Variants in CBFA2T2 observed in about 807,000 individuals in gnomAD.
CBFA2T2 encodes protein CBFA2T2.
In CBFA2T2, 11 loss-of-function variants were observed where a neutral mutation model predicts 62.2. The ratio of observed to expected loss-of-function variants is 0.18; its 90% CI spans 0.11 to 0.29. The LOEUF is 0.29. Among genes scored for constraint, CBFA2T2 ranks in the 10% least tolerant of loss-of-function variants. CBFA2T2 has a pLI of 1.00. For missense variants in CBFA2T2, 592 were observed against 774.1 expected (o/e 0.76, Z 2.79); for synonymous variants, 295 against 287.5 (o/e 1.03, Z -0.27).
chr20:33,505,330 C>T (rs555852207), intron 1 of CBFA2T2, among the ~76,000 whole-genome samples: 1 of 152,188 alleles, frequency 6.6e-6, no homozygotes, highest in Non-Finnish European at 1.5e-5. Context: ...ATCTTTTCAC[C>T]TGTCTACCTG....
intron 1 of CBFA2T2, among the ~76,000 whole-genome samples, chr20:33,541,047 G>A (rs1568808656): frequency 6.6e-6 from 1 of 152,184 alleles, no homozygotes; most frequent in Admixed American, 6.5e-5. Flanking sequence ...ACTGTGGGAC[G>A]CTAGAAAGTA....
chr20:33,498,817 C>T (rs1191621389), intron 1 of CBFA2T2, among the ~76,000 whole-genome samples: 4 of 151,728 alleles, frequency 2.6e-5, no homozygotes, highest in Admixed American at 1.3e-4. Context: ...CCGAGGCGGG[C>T]GGATCACCTG....
At chr20:33,625,709 A>C (rs1339220260) in intron 6 of CBFA2T2, among the ~76,000 whole-genome samples, 1 of 152,240 alleles carries the variant, frequency 6.6e-6, no homozygotes, top group Admixed American at 6.5e-5. Flanking sequence ...GCACTTTGGA[A>C]GGCCAAGGCA....
At position 33,645,388 on chromosome 20, in the gene CBFA2T2, C is replaced by T. The variant is rs1601131407; in HGVS notation, c.*742C>T. The T allele has an allele frequency of 6.6e-6, 1 of 152,284 alleles. No homozygotes were observed. Among genetic ancestry groups the T allele is most frequent in the South Asian group, 2.1e-4 (1 of 4,822 alleles). The allele number at this position is 152,284 out of a possible 1,614,324, so 9.4% of individuals were successfully genotyped here. A position where few individuals can be genotyped will look rare whatever the true frequency, so the allele number is the denominator to read the frequency against. On this transcript the variant is annotated 3_prime_UTR_variant, in exon 11 of 11. Coordinates refer to ENST00000342704, the MANE Select transcript of CBFA2T2 (RefSeq NM_001032999.3). The stretch of plus-strand genomic sequence containing the variant: ...ATTTTGCTTGTGCAGAAAATAGTTT[C>T]CAGCACATGGATTGATCTGAGAGAG...
intron 1 of CBFA2T2, among the ~76,000 whole-genome samples, chr20:33,495,563 G>C (rs1277593510): frequency 6.6e-6 from 1 of 151,434 alleles, no homozygotes; most frequent in Non-Finnish European, 1.5e-5. Flanking sequence ...GTGGTGGCGG[G>C]TTCCTGTAGT....
At chr20:33,597,911 A>C (rs2014958851) in intron 1 of CBFA2T2, among the ~76,000 whole-genome samples, 1 of 152,210 alleles carries the variant, frequency 6.6e-6, no homozygotes, top group Non-Finnish European at 1.5e-5. Context: ...TGAGAAATAA[A>C]GGGACAGAGT....
chr20:33,633,466 T>C, intron 8 of CBFA2T2, among the ~76,000 whole-genome samples: 1 of 152,124 alleles, frequency 6.6e-6, no homozygotes, highest in East Asian at 1.9e-4. Context: ...GGTTTGGTGA[T>C]TTGGAGAGAA....
Position 33,545,456 on chromosome 20 carries a change from T to TCTTTCTTTCTTTCTTTCTTC in CBFA2T2, c.34+55172_34+55173insTTCCTTTCTTTCTTTCTTTC, listed in dbSNP as rs2012532192. Among the ~76,000 whole-genome samples the TCTTTCTTTCTTTCTTTCTTC allele has an allele frequency of 7.9e-5, 12 of 152,076 alleles. No individual in the cohort carries two copies. In the South Asian group the frequency reaches 2.5e-3, roughly 32 times the overall value. On this transcript the variant is annotated intron_variant, in intron 1 of 10. Coordinates refer to ENST00000342704, the MANE Select transcript of CBFA2T2 (RefSeq NM_001032999.3). ...CTTTCTTTCTCTTTCTTTCTTTCTT[T>TCTTTCTTTCTTTCTTTCTTC]CTTTCTTTCTTTCTTTCGTTCGTTT...
chr20:33,597,600 G>C (rs148747307), intron 1 of CBFA2T2, among the ~76,000 whole-genome samples: 2 of 152,172 alleles, frequency 1.3e-5, no homozygotes, highest in African/African-American at 4.8e-5. Flanking sequence ...GAGGGATCTA[G>C]GTTGTGCACT....
chr20:33,562,896 G>T (rs1189584269), intron 1 of CBFA2T2, among the ~76,000 whole-genome samples: 2 of 152,068 alleles, frequency 1.3e-5, no homozygotes, highest in Non-Finnish European at 2.9e-5. Flanking sequence ...TGAATGCAAG[G>T]TTTACTTAAT....
intron 1 of CBFA2T2, among the ~76,000 whole-genome samples, chr20:33,537,006 G>A (rs1381589997): frequency 6.6e-6 from 1 of 151,856 alleles, no homozygotes; most frequent in Non-Finnish European, 1.5e-5. Flanking sequence ...TTTCCAGACT[G>A]GGCAGCCAGG....
At chr20:33,601,512 G>A (rs2015132429) in intron 1 of CBFA2T2, among the ~76,000 whole-genome samples, 2 of 151,764 alleles carry the variant, frequency 1.3e-5, no homozygotes, top group East Asian at 2.0e-4. Flanking sequence ...TGATCCGCCC[G>A]CCTCAGCTTC....
chr20:33,536,343 A>G (rs1383999293), intron 1 of CBFA2T2, among the ~76,000 whole-genome samples: 2 of 136,436 alleles, frequency 1.5e-5, no homozygotes, highest in Admixed American at 7.2e-5. Context: ...CTGGCCGGGC[A>G]GAGGGGCTCC....
At chr20:33,635,064 T>C (rs1377928794) in intron 8 of CBFA2T2, among the ~76,000 whole-genome samples, 1 of 152,208 alleles carries the variant, frequency 6.6e-6, no homozygotes, top group African/African-American at 2.4e-5. Flanking sequence ...AGAATAGTTA[T>C]TGAAATAATT....
At chr20:33,611,359 C>G in intron 3 of CBFA2T2, 24 bp downstream of exon 3, 1 of 1,608,638 alleles carries the variant, frequency 6.2e-7, no homozygotes, top group Non-Finnish European at 8.5e-7. Context: ...CACTGTTGTT[C>G]TCAGCTGCCT....
chr20:33,562,977 G>A (rs1374898196), intron 1 of CBFA2T2, among the ~76,000 whole-genome samples: 4 of 152,120 alleles, frequency 2.6e-5, no homozygotes, highest in South Asian at 2.1e-4. Flanking sequence ...GGTTTTCCAC[G>A]TTGGATTGTT....
At chr20:33,515,350 C>CAAAA (rs11371940) in intron 1 of CBFA2T2, among the ~76,000 whole-genome samples, 2 of 82,002 alleles carry the variant, frequency 2.4e-5, no homozygotes, top group Admixed American at 1.4e-4. Flanking sequence ...GACTCCATCT[C>CAAAA]AAAAAAAAAA....
intron 1 of CBFA2T2, among the ~76,000 whole-genome samples, chr20:33,584,807 C>A (rs1408256692): frequency 6.6e-6 from 1 of 152,138 alleles, no homozygotes; most frequent in Non-Finnish European, 1.5e-5. Context: ...TTTTATAGAG[C>A]TTGAGCCACT....
Position 33,518,410 on chromosome 20 carries a change from T to C in CBFA2T2, c.34+28109T>C, listed in dbSNP as rs932578694. Among the ~76,000 whole-genome samples the C allele has an allele frequency of 3.9e-5, 6 of 152,080 alleles. 1 individual carries two copies. The highest frequency in any genetic ancestry group is 1.3e-4 in the Admixed American group (2 of 15,238). ...CCAGTCTATGGACTAGGTAGATATATTGGGGAGATAATGAAGTAGGCTCTT... is the reference window on the plus strand; with the variant it reads ...CCAGTCTATGGACTAGGTAGATATACTGGGGAGATAATGAAGTAGGCTCTT... On this transcript the variant is annotated intron_variant, in intron 1 of 10. Transcript: ENST00000342704.
Sources: allele counts gnomAD v4.1 joint callset (sites outside exome capture counted in the v4.1 genomes callset), GRCh38; gene constraint gnomAD v4.1.1; transcripts MANE v1.5; gene names NCBI Gene and HGNC (gene_info 2026-07-23, HGNC 2026-07-21).